Variants in KCNH5 observed in about 807,000 individuals in gnomAD.
KCNH5 encodes the protein voltage-gated delayed rectifier potassium channel KCNH5.
A neutral mutation model predicts 96.1 loss-of-function variants in KCNH5; 46 were observed. The observed-to-expected ratio is 0.48, with a 90% CI of 0.38 to 0.61. KCNH5 has a LOEUF of 0.61. Among genes scored for constraint, KCNH5 ranks in the 20% least tolerant of loss-of-function variants. The probability of loss-of-function intolerance (pLI) is 0.00; values close to 1 mark genes in which losing one functional copy is unlikely to be tolerated. For missense variants in KCNH5, 907 were observed against 1,225.8 expected (o/e 0.74, Z 3.88); for synonymous variants, 439 against 449.8 (o/e 0.98, Z 0.30).
At chr14:62,928,656 T>C (rs1423822651) in intron 7 of KCNH5, among the ~76,000 whole-genome samples, 1 of 151,968 alleles carries the variant, frequency 6.6e-6, no homozygotes, top group Non-Finnish European at 1.5e-5. Flanking sequence ...GATTGCAAAA[T>C]CCAATGATCA....
chr14:62,911,121 A>G (rs1442381622), intron 7 of KCNH5, among the ~76,000 whole-genome samples: 2 of 152,182 alleles, frequency 1.3e-5, no homozygotes, highest in African/African-American at 4.8e-5. Context: ...ACTCTAAAAT[A>G]GTATATACTT....
intron 6 of KCNH5, among the ~76,000 whole-genome samples, chr14:62,961,370 T>C (rs1394668974): frequency 6.6e-6 from 1 of 152,160 alleles, no homozygotes; most frequent in Non-Finnish European, 1.5e-5. Context: ...CCACCAACCG[T>C]TTCTTTTGTC....
chr14:62,938,410 G>A (rs1289411162), intron 7 of KCNH5, among the ~76,000 whole-genome samples: 1 of 152,104 alleles, frequency 6.6e-6, no homozygotes, highest in Non-Finnish European at 1.5e-5. Flanking sequence ...TAAACAAGTA[G>A]GTAAGAAGAA....
chr14:62,776,435 A>G (rs1441329038), intron 10 of KCNH5, among the ~76,000 whole-genome samples: 1 of 152,046 alleles, frequency 6.6e-6, no homozygotes, highest in Non-Finnish European at 1.5e-5. Flanking sequence ...AAGAACCCTC[A>G]CCAGGGAACC....
intron 6 of KCNH5, among the ~76,000 whole-genome samples, chr14:62,975,547 T>C (rs1034557112): frequency 1.1e-4 from 17 of 151,796 alleles, no homozygotes; most frequent in African/African-American, 3.9e-4. Flanking sequence ...ACAATAATAA[T>C]TTGAAAGATG....
intron 6 of KCNH5, among the ~76,000 whole-genome samples, chr14:62,978,286 T>C (rs1456472966): frequency 1.3e-5 from 2 of 152,202 alleles, no homozygotes; most frequent in Non-Finnish European, 2.9e-5. Flanking sequence ...ATAGGCTTTC[T>C]AAAGCCAGGA....
intron 7 of KCNH5, among the ~76,000 whole-genome samples, chr14:62,944,196 A>T (rs1889843031): frequency 6.6e-6 from 1 of 152,154 alleles, no homozygotes; most frequent in Admixed American, 6.6e-5. Flanking sequence ...GGACCTAGGA[A>T]TCGGGATTGT....
At chr14:62,962,120 GGATGGAGATGAAGATGGA>G (rs1026902758) in intron 6 of KCNH5, among the ~76,000 whole-genome samples, 1 of 151,718 alleles carries the variant, frequency 6.6e-6, no homozygotes, top group African/African-American at 2.4e-5. Flanking sequence ...ACAGGGACAG[GGATGGAGATGAAGATGGA>G]GATGGAGATG....
chr14:62,918,246 T>C (rs2140106169), intron 7 of KCNH5, among the ~76,000 whole-genome samples: 1 of 152,298 alleles, frequency 6.6e-6, no homozygotes, highest in Admixed American at 6.5e-5. Flanking sequence ...GTTGGTTACA[T>C]ATCCTGGCTC....
At chr14:62,780,251 T>G (rs1274410507) in intron 9 of KCNH5, among the ~76,000 whole-genome samples, 1 of 152,244 alleles carries the variant, frequency 6.6e-6, no homozygotes, top group Non-Finnish European at 1.5e-5. Flanking sequence ...CAAAGGTGAC[T>G]TCTTAGTTTC....
At chr14:63,008,261 T>C (rs1303488951) in intron 2 of KCNH5, among the ~76,000 whole-genome samples, 1 of 152,056 alleles carries the variant, frequency 6.6e-6, no homozygotes, top group African/African-American at 2.4e-5. Context: ...TACAAAATTA[T>C]AAAACAAGAT....
intron 4 of KCNH5, among the ~76,000 whole-genome samples, chr14:62,990,074 A>G (rs1454293486): frequency 6.6e-6 from 1 of 152,052 alleles, no homozygotes; most frequent in African/African-American, 2.4e-5. Context: ...ATTGGATTAA[A>G]AGAAAAGCCC....
intron 10 of KCNH5, among the ~76,000 whole-genome samples, chr14:62,734,970 A>G (rs1022331728): frequency 2.0e-5 from 3 of 152,212 alleles, no homozygotes; most frequent in Non-Finnish European, 4.4e-5. Context: ...GGACAGTGCC[A>G]GTAAAGTCTT....
chr14:62,734,512 T>A (rs1486860732), intron 10 of KCNH5, among the ~76,000 whole-genome samples: 2 of 152,070 alleles, frequency 1.3e-5, no homozygotes, highest in Non-Finnish European at 2.9e-5. Context: ...CTGTTTGACT[T>A]TGGCCAAGTG....
intron 7 of KCNH5, among the ~76,000 whole-genome samples, chr14:62,878,201 T>TGGGGGGGGGGGGG (rs66735494): frequency 1.1e-5 from 1 of 89,542 alleles, no homozygotes; most frequent in African/African-American, 5.4e-5. Flanking sequence ...GTTGTGGGGA[T>TGGGGGGGGGGGGG]GGGGGGGGGG....
intron 7 of KCNH5, among the ~76,000 whole-genome samples, chr14:62,921,818 C>G (rs1889386010): frequency 6.6e-6 from 1 of 152,098 alleles, no homozygotes; most frequent in African/African-American, 2.4e-5. Context: ...ATCTTTTTAT[C>G]TAACAGCCTT....
chr14:62,843,642 C>A (rs1887631612), intron 8 of KCNH5, among the ~76,000 whole-genome samples: 1 of 151,940 alleles, frequency 6.6e-6, no homozygotes. Context: ...GATCTCCTCA[C>A]CTCGTGATCC....
At chr14:62,983,752 G>A (rs1890654864) in intron 5 of KCNH5, among the ~76,000 whole-genome samples, 9 of 152,124 alleles carry the variant, frequency 5.9e-5, no homozygotes, top group Admixed American at 5.9e-4. Context: ...CTCCACCCTG[G>A]AGAATGATTA....
intron 8 of KCNH5, among the ~76,000 whole-genome samples, chr14:62,814,298 TGG>T (rs1023378178): frequency 2.6e-5 from 4 of 152,162 alleles, no homozygotes; most frequent in African/African-American, 7.2e-5. Flanking sequence ...GCAAATGTCT[TGG>T]GCCACTGGCT....
Sources: gnomAD v4.1 joint callset for allele counts (sites outside exome capture counted in the v4.1 genomes callset) on GRCh38, gnomAD v4.1.1 for gene constraint, MANE v1.5 for transcripts, NCBI Gene and HGNC (gene_info 2026-07-23, HGNC 2026-07-21) for gene names.